Variants in WWOX observed in about 807,000 individuals in gnomAD.
WWOX encodes WW domain-containing oxidoreductase.
In WWOX, 69 loss-of-function variants were observed where a neutral mutation model predicts 46.2. The observed-to-expected ratio is 1.49, with a 90% CI of 1.23 to 1.82. The LOEUF is 1.82. Ranked by LOEUF, WWOX falls within the 40% of genes most tolerant of loss-of-function variation. The pLI is 0.00. For synonymous variants in WWOX, 359 were observed against 202.6 expected, an observed-to-expected ratio of 1.77 and a Z score of -6.56; for missense variants, 919 against 542.6, an observed-to-expected ratio of 1.69 and a Z score of -6.89.
intron 8 of WWOX, among the ~76,000 whole-genome samples, chr16:78,575,064 T>G (rs865828474): frequency 4.6e-5 from 1 of 21,550 alleles, no homozygotes; most frequent in Non-Finnish European, 8.7e-5. Context: ...TATATATATA[T>G]ATATATATAT....
intron 8 of WWOX, among the ~76,000 whole-genome samples, chr16:78,634,867 TG>T (rs2046530232): frequency 2.1e-5 from 3 of 141,910 alleles, no homozygotes; most frequent in Admixed American, 6.9e-5. Flanking sequence ...TGTGTGTGTG[TG>T]TGTGTGCGCG....
At chr16:78,817,167 C>A (rs907492553) in intron 8 of WWOX, among the ~76,000 whole-genome samples, 5 of 56,048 alleles carry the variant, frequency 8.9e-5, no homozygotes, top group Admixed American at 7.5e-4. Flanking sequence ...AACATTAGTG[C>A]TATTCTTTTT....
chr16:78,368,512 C>T (rs1399529884), intron 5 of WWOX, among the ~76,000 whole-genome samples: 8 of 152,272 alleles, frequency 5.3e-5, no homozygotes, highest in Admixed American at 2.6e-4. Context: ...AGGCTGCAAG[C>T]GCTAGAAGCT....
At chr16:78,475,954 T>C (rs1428820389) in intron 8 of WWOX, among the ~76,000 whole-genome samples, 1 of 152,190 alleles carries the variant, frequency 6.6e-6, no homozygotes, top group African/African-American at 2.4e-5. Context: ...ATTATGGTAA[T>C]GAGAAGAGTT....
At chr16:78,668,280 C>G (rs919534386) in intron 8 of WWOX, among the ~76,000 whole-genome samples, 3 of 152,090 alleles carry the variant, frequency 2.0e-5, no homozygotes, top group African/African-American at 4.8e-5. Context: ...GACTTTGTCT[C>G]AAACAAACAA....
intron 5 of WWOX, among the ~76,000 whole-genome samples, chr16:78,339,445 C>T (rs2080965914): frequency 8.5e-6 from 1 of 117,806 alleles, no homozygotes; most frequent in African/African-American, 2.9e-5. Context: ...GCTTGGTGCA[C>T]AGGAATACTT....
At chr16:78,505,570 C>T (rs1200776021) in intron 8 of WWOX, among the ~76,000 whole-genome samples, 6 of 152,144 alleles carry the variant, frequency 3.9e-5, no homozygotes, top group South Asian at 2.1e-4. Flanking sequence ...TGGGCTACAG[C>T]GCCCAGTGCC....
intron 4 of WWOX, among the ~76,000 whole-genome samples, chr16:78,116,921 C>G (rs890873666): frequency 2.6e-5 from 4 of 152,202 alleles, no homozygotes; most frequent in African/African-American, 9.6e-5. Context: ...AGATAGCAGA[C>G]TCTTGAATAG....
intron 8 of WWOX, among the ~76,000 whole-genome samples, chr16:78,919,230 C>T (rs560199759): frequency 1.4e-3 from 214 of 152,116 alleles, no homozygotes; most frequent in African/African-American, 4.6e-3. Context: ...ATTCCCTTAA[C>T]AGTTCTTTCT....
intron 8 of WWOX, among the ~76,000 whole-genome samples, chr16:79,123,385 G>A (rs564074275): frequency 3.2e-4 from 48 of 152,222 alleles, no homozygotes; most frequent in Non-Finnish European, 4.4e-4. Flanking sequence ...AGATACATTC[G>A]TAACTCCCCA....
chr16:78,355,851 T>G, intron 5 of WWOX: 1 of 653,550 alleles, frequency 1.5e-6, no homozygotes, highest in Non-Finnish European at 2.7e-6. Flanking sequence ...GAATTTGTCC[T>G]GTACGGAAAA....
At chr16:78,326,526 C>G (rs1230677256) in intron 5 of WWOX, among the ~76,000 whole-genome samples, 2 of 139,382 alleles carry the variant, frequency 1.4e-5, no homozygotes, top group Non-Finnish European at 3.0e-5. Flanking sequence ...CTGTGTTTCT[C>G]TGGATGTATT....
At chr16:78,911,690 A>G (rs2045115475) in intron 8 of WWOX, among the ~76,000 whole-genome samples, 1 of 151,922 alleles carries the variant, frequency 6.6e-6, no homozygotes, top group Non-Finnish European at 1.5e-5. Context: ...ACATGGTTAA[A>G]CCCCATCTCT....
At chr16:78,590,125 C>G (rs1454671027) in intron 8 of WWOX, among the ~76,000 whole-genome samples, 1 of 140,800 alleles carries the variant, frequency 7.1e-6, no homozygotes, top group Non-Finnish European at 1.5e-5. Flanking sequence ...CTTGCCATGT[C>G]TGATAGATAT....
intron 8 of WWOX, among the ~76,000 whole-genome samples, chr16:78,581,205 C>G (rs893018580): frequency 1.3e-5 from 2 of 152,090 alleles, no homozygotes; most frequent in Admixed American, 1.3e-4. Flanking sequence ...GAAAAAGTTA[C>G]ATATGGTCCT....
chr16:78,838,628 G>A (rs967618945), intron 8 of WWOX, among the ~76,000 whole-genome samples: 3 of 152,126 alleles, frequency 2.0e-5, no homozygotes, highest in African/African-American at 7.2e-5. Context: ...GGTCACCTGA[G>A]GTCCGGAGTT....
intron 8 of WWOX, among the ~76,000 whole-genome samples, chr16:78,961,911 T>C (rs1448154963): frequency 2.6e-5 from 4 of 152,164 alleles, no homozygotes; most frequent in Non-Finnish European, 4.4e-5. Flanking sequence ...CCTATTGCCT[T>C]CAGATTTACA....
intron 1 of WWOX, among the ~76,000 whole-genome samples, chr16:78,102,857 G>C (rs2031886676): frequency 6.6e-6 from 1 of 152,166 alleles, no homozygotes; most frequent in African/African-American, 2.4e-5. Context: ...GAATCACCTT[G>C]GGAGGGTCAG....
At chr16:79,209,410 TCC>T (rs1308092936) in intron 8 of WWOX, among the ~76,000 whole-genome samples, 1 of 152,204 alleles carries the variant, frequency 6.6e-6, no homozygotes, top group Admixed American at 6.5e-5. Flanking sequence ...CTTTTTGCTT[TCC>T]CAAACGGACT....
Sources: allele counts gnomAD v4.1 joint callset (sites outside exome capture counted in the v4.1 genomes callset), GRCh38; gene constraint gnomAD v4.1.1; transcripts MANE v1.5; gene names NCBI Gene and HGNC (gene_info 2026-07-23, HGNC 2026-07-21).